ZHX2: variants seen among roughly 807,000 people sequenced by gnomAD.
The protein encoded by ZHX2 is zinc fingers and homeoboxes protein 2.
ZHX2 carries 6 observed loss-of-function variants against 21.9 expected under a neutral mutation model. The ratio of observed to expected loss-of-function variants is 0.27; its 90% CI spans 0.15 to 0.54. The LOEUF (loss-of-function observed/expected upper bound fraction) is 0.54. Ranked by LOEUF, ZHX2 falls within the 20% of genes least tolerant of loss-of-function variation. The pLI is 0.95. For missense variants in ZHX2, 908 were observed against 1,090.7 expected (o/e 0.83, Z 2.36); for synonymous variants, 434 against 437.1 (o/e 0.99, Z 0.09).
intron 3 of ZHX2, among the ~76,000 whole-genome samples, chr8:122,957,527 G>A (rs940004600): frequency 1.3e-5 from 2 of 152,104 alleles, no homozygotes; most frequent in African/African-American, 4.8e-5. Context: ...GAGTACAGTG[G>A]TGCCATCTCA....
Position 122,953,373 on chromosome 8 carries a change from G to T in ZHX2, c.1863G>T (p.Gln621His), listed in dbSNP as rs373967421. 2.5e-6 allele frequency: 4 copies of T among 1,614,034 alleles called. No homozygotes were observed. The highest frequency in any genetic ancestry group is 2.5e-6 in the Non-Finnish European group (3 of 1,180,054). Residue 621 changes from glutamine to histidine, a missense_variant, in exon 3 of 4, where the codon CAG becomes CAT. Gln to His is a conservative substitution (Grantham distance 24). Around this residue, in one of 4 missense-constraint regions of ZHX2, gnomAD observed 431 missense variants for 428.6 expected, o/e 1.01. Transcript: ENST00000314393. This position sits in a 1 kb window ranked among gnomAD's most constrained non-coding sequence, Gnocchi z 4.6. ...GACTCGACCAGCTCTCCGGTGCCCA[G>T]TTAACAAGTTCTCTGCCCAGCCCTT... The part of the protein sequence containing the change: ...LSRLDQLSGA[Q>H]LTSSLPSPSP...
intron 1 of ZHX2, among the ~76,000 whole-genome samples, chr8:122,800,504 G>C (rs1201782431): frequency 6.6e-6 from 1 of 152,238 alleles, no homozygotes; most frequent in Non-Finnish European, 1.5e-5. Context: ...GCCACCCCTT[G>C]TGCAGAGTAG....
chr8:122,838,887 T>C (rs528287766), intron 1 of ZHX2, among the ~76,000 whole-genome samples: 1 of 152,246 alleles, frequency 6.6e-6, no homozygotes, highest in East Asian at 1.9e-4. Context: ...TGTGATTTTT[T>C]TAAAGTGGTA....
intron 1 of ZHX2, among the ~76,000 whole-genome samples, chr8:122,859,372 T>A (rs940764449): frequency 6.6e-6 from 1 of 152,198 alleles, no homozygotes; most frequent in Non-Finnish European, 1.5e-5. Context: ...AGGATAATAA[T>A]GGGTATTGTC....
chr8:122,957,056 G>A (rs1182917037), intron 3 of ZHX2, among the ~76,000 whole-genome samples: 1 of 152,144 alleles, frequency 6.6e-6, no homozygotes, highest in East Asian at 1.9e-4. Flanking sequence ...AATAGCAGAG[G>A]TCGAGGTAGG....
chr8:122,897,905 A>G (rs1820138371), intron 2 of ZHX2, among the ~76,000 whole-genome samples: 1 of 152,120 alleles, frequency 6.6e-6, no homozygotes, highest in Admixed American at 6.5e-5. Context: ...GAAAGCCCAC[A>G]TTTTTGGCTT....
chr8:122,938,031 G>T (rs950680244), intron 2 of ZHX2, among the ~76,000 whole-genome samples: 1 of 135,630 alleles, frequency 7.4e-6, no homozygotes, highest in East Asian at 2.5e-4. Flanking sequence ...CGCCTCCCGG[G>T]TTCAAGAGAT....
At chr8:122,799,990 T>C (rs1319852127) in intron 1 of ZHX2, among the ~76,000 whole-genome samples, 1 of 152,162 alleles carries the variant, frequency 6.6e-6, no homozygotes, top group East Asian at 1.9e-4. Context: ...CCCGAGTAGC[T>C]GGGATTACAG....
At chr8:122,797,924 G>A (rs556315193) in intron 1 of ZHX2, among the ~76,000 whole-genome samples, 60 of 152,280 alleles carry the variant, frequency 3.9e-4, no homozygotes, top group Non-Finnish European at 6.6e-4. Context: ...CAGCGTGCCA[G>A]GCCGATTCTC....
At chr8:122,924,858 G>A (rs16897689) in intron 2 of ZHX2, among the ~76,000 whole-genome samples, 3,415 of 152,236 alleles carry the variant, frequency 0.022, 117 homozygotes, top group African/African-American at 0.077. Flanking sequence ...TATCTGAGTC[G>A]CGGTCTCAGT....
intron 1 of ZHX2, among the ~76,000 whole-genome samples, chr8:122,826,299 G>A (rs1818265235): frequency 6.6e-6 from 1 of 152,164 alleles, no homozygotes; most frequent in African/African-American, 2.4e-5. Context: ...TAATTGTGTG[G>A]TTTTGAAATT....
chr8:122,956,240 C>T (rs1813297823), intron 3 of ZHX2, among the ~76,000 whole-genome samples: 3 of 152,176 alleles, frequency 2.0e-5, no homozygotes, highest in Admixed American at 2.0e-4. Context: ...GGTTCAGTTC[C>T]ATTCAACAGT....
At chr8:122,855,256 A>G (rs1818999448) in intron 1 of ZHX2, among the ~76,000 whole-genome samples, 1 of 152,258 alleles carries the variant, frequency 6.6e-6, no homozygotes, top group Non-Finnish European at 1.5e-5. Flanking sequence ...AGAGGCCAGC[A>G]TAAAGTTGAC....
chr8:122,895,200 G>A (rs746530121), intron 2 of ZHX2, among the ~76,000 whole-genome samples: 2 of 152,194 alleles, frequency 1.3e-5, no homozygotes, highest in East Asian at 1.9e-4. Flanking sequence ...GGGGGCACAC[G>A]GGTGGTAGAA....
chr8:122,855,813 C>G (rs1819011677), intron 1 of ZHX2, among the ~76,000 whole-genome samples: 1 of 152,166 alleles, frequency 6.6e-6, no homozygotes, highest in African/African-American at 2.4e-5. Flanking sequence ...GCTGCCTTCT[C>G]CTTCTGTATT....
At chr8:122,849,977 A>G (rs939178659) in intron 1 of ZHX2, among the ~76,000 whole-genome samples, 2 of 152,134 alleles carry the variant, frequency 1.3e-5, no homozygotes, top group Admixed American at 1.3e-4. Flanking sequence ...ATCATAGCCA[A>G]CTTTCATTGA....
At chr8:122,865,097 G>A (rs1197193788) in intron 2 of ZHX2, among the ~76,000 whole-genome samples, 4 of 152,046 alleles carry the variant, frequency 2.6e-5, no homozygotes, top group African/African-American at 9.7e-5. Flanking sequence ...GGGAAAGGAG[G>A]GAGAGGAGAG....
At chr8:122,878,663 TGTAGGAGGTGCAGGG>T (rs1446686665) in intron 2 of ZHX2, among the ~76,000 whole-genome samples, 1 of 152,114 alleles carries the variant, frequency 6.6e-6, no homozygotes, top group East Asian at 1.9e-4. Flanking sequence ...TGAGAGTCCC[TGTAGGAGGTGCAGGG>T]AGTGTGGGGA....
At chr8:122,881,639 T>C (rs2129789187) in intron 2 of ZHX2, among the ~76,000 whole-genome samples, 1 of 152,188 alleles carries the variant, frequency 6.6e-6, no homozygotes, top group Admixed American at 6.5e-5. Flanking sequence ...GGCATGGGGG[T>C]GAAACCGCAA....
Sources: gnomAD v4.1 joint callset for allele counts (sites outside exome capture counted in the v4.1 genomes callset) on GRCh38, gnomAD v4.1.1 for gene constraint, gnomAD v4.1.1 regional missense constraint, Gnocchi (gnomAD v3.1) non-coding constraint, MANE v1.5 for transcripts, NCBI Gene and HGNC (gene_info 2026-07-23, HGNC 2026-07-21) for gene names.